GRIP1: variants seen among roughly 807,000 people sequenced by gnomAD.
GRIP1 encodes the protein glutamate receptor interacting protein 1, also known as glutamate receptor-interacting protein 1.
Under a neutral mutation model 129.9 loss-of-function variants are expected in GRIP1, and 45 were observed. The ratio of observed to expected loss-of-function variants is 0.35; its 90% confidence interval spans 0.27 to 0.44. The LOEUF is 0.44. Ranked by LOEUF, GRIP1 falls within the 20% of genes least tolerant of loss-of-function variation. GRIP1 has a pLI of 1.00. For synonymous variants in GRIP1, 530 were observed against 520.8 expected, an observed-to-expected ratio of 1.02 and a Z score of -0.24; for missense variants, 1,196 against 1,396.8, an observed-to-expected ratio of 0.86 and a Z score of 2.29.
At chr12:66,478,751 C>T (rs572274677) in intron 7 of GRIP1, among the ~76,000 whole-genome samples, 4 of 151,928 alleles carry the variant, frequency 2.6e-5, no homozygotes, top group Middle Eastern at 3.2e-3. Context: ...AAGCTGGAAA[C>T]CATCATTCTC....
At chr12:66,431,554 T>C (rs2058148430) in intron 14 of GRIP1, among the ~76,000 whole-genome samples, 1 of 152,212 alleles carries the variant, frequency 6.6e-6, no homozygotes, top group South Asian at 2.1e-4. Flanking sequence ...AATTGAGAAC[T>C]TTTATTTATT....
chr12:66,560,153 T>C (rs1810690658), intron 2 of GRIP1, among the ~76,000 whole-genome samples: 2 of 152,108 alleles, frequency 1.3e-5, no homozygotes, highest in South Asian at 2.1e-4. Context: ...TCTCTTGCCA[T>C]ATACAAAAAT....
chr12:66,431,585 G>A (rs1057177330), intron 14 of GRIP1, among the ~76,000 whole-genome samples: 5 of 152,158 alleles, frequency 3.3e-5, no homozygotes, highest in African/African-American at 1.2e-4. Flanking sequence ...ACCACTGACA[G>A]AAATGCTATC....
chr12:66,692,532 T>C (rs774474213), intron 1 of GRIP1, among the ~76,000 whole-genome samples: 23 of 152,146 alleles, frequency 1.5e-4, no homozygotes, highest in Non-Finnish European at 1.9e-4. Context: ...TCTGTTCATT[T>C]TGGAGGAGAT....
chr12:66,463,821 G>A (rs201405872), intron 8 of GRIP1, among the ~76,000 whole-genome samples: 27 of 152,240 alleles, frequency 1.8e-4, no homozygotes, highest in East Asian at 7.7e-4. Flanking sequence ...TAGCGCAGTC[G>A]TCAGCATCCC....
chr12:66,804,086 C>A, exon 1 of GRIP1: 2 of 455,856 alleles, frequency 4.4e-6, no homozygotes, highest in South Asian at 1.5e-5. Context: ...TAATAGACAT[C>A]CTCATAGCCC....
chr12:66,407,000 G>A (rs2057214942), intron 15 of GRIP1, among the ~76,000 whole-genome samples: 1 of 151,964 alleles, frequency 6.6e-6, no homozygotes, highest in Non-Finnish European at 1.5e-5. Context: ...ACCAGGGTAG[G>A]TCTGTTGAAA....
intron 2 of GRIP1, chr12:66,568,718 G>A (rs1170943865): frequency 4.5e-6 from 1 of 223,970 alleles, no homozygotes; most frequent in Non-Finnish European, 9.1e-6. Context: ...AGAGAATTCT[G>A]GGATTGTATT....
At chr12:66,533,626 C>A (rs183736687) in intron 4 of GRIP1, among the ~76,000 whole-genome samples, 26 of 152,112 alleles carry the variant, frequency 1.7e-4, no homozygotes, top group Non-Finnish European at 3.2e-4. Context: ...GCCTGGGTGA[C>A]AAGAGCGAAA....
intron 16 of GRIP1, among the ~76,000 whole-genome samples, chr12:66,398,662 C>T (rs1345011238): frequency 6.6e-6 from 1 of 151,892 alleles, no homozygotes; most frequent in Non-Finnish European, 1.5e-5. Context: ...TGCTCTCAAA[C>T]AAGGAGAAGA....
At chr12:66,417,509 T>G (rs2057650353) in intron 15 of GRIP1, among the ~76,000 whole-genome samples, 2 of 152,162 alleles carry the variant, frequency 1.3e-5, no homozygotes. Context: ...TTATCCTTGC[T>G]TGCAGAAGAC....
chr12:66,461,275 C>A (rs1441240624), intron 9 of GRIP1, among the ~76,000 whole-genome samples: 4 of 152,192 alleles, frequency 2.6e-5, no homozygotes, highest in Non-Finnish European at 5.9e-5. Flanking sequence ...TTAAAAGGGT[C>A]TGGTATGCAT....
At position 66,678,885 on chromosome 12, in the gene GRIP1, T is replaced by A; in HGVS notation, c.20A>T (p.Lys7Ile). 6.2e-7 allele frequency: 1 copy of A among 1,613,482 alleles called. No homozygotes were observed. Among genetic ancestry groups the A allele is most frequent in the Non-Finnish European group, 8.5e-7 (1 of 1,179,626 alleles). MIAVSF[K>I]CRCQILRRLT... ...TCGCCTCAGAATTTGACAACGGCAT[T>A]TAAAAGAGACAGCTATCATTCTTGC... is the stretch of plus-strand genomic sequence containing the variant. The change falls in exon 1 of 25, where the codon AAA becomes ATA. Residue 7 changes from lysine to isoleucine, a missense_variant. By Grantham distance (102) the Lys-to-Ile change is moderately radical (BLOSUM62 -3). Coordinates refer to ENST00000359742, the MANE Select transcript of GRIP1 (RefSeq NM_001366722.1).
At chr12:67,010,555 A>G (rs1160282115) in intron 1 of GRIP1, among the ~76,000 whole-genome samples, 2 of 152,212 alleles carry the variant, frequency 1.3e-5, no homozygotes, top group African/African-American at 4.8e-5. Context: ...ATGCTAGAAT[A>G]TACTTAGGGA....
At chr12:66,679,589 A>G (rs1463892758), upstream of GRIP1, among the ~76,000 whole-genome samples, 1 of 152,104 alleles carries the variant, frequency 6.6e-6, no homozygotes, top group Non-Finnish European at 1.5e-5. Flanking sequence ...ATGAGAGTTA[A>G]GGCAGTGTCT....
chr12:66,764,861 G>C (rs1462306974), intron 1 of GRIP1, among the ~76,000 whole-genome samples: 2 of 152,142 alleles, frequency 1.3e-5, no homozygotes, highest in African/African-American at 2.4e-5. Context: ...TCTGTAAAAC[G>C]TAACAATAAC....
intron 7 of GRIP1, among the ~76,000 whole-genome samples, chr12:66,468,215 GC>G (rs749143417): frequency 8.9e-4 from 135 of 152,136 alleles, no homozygotes; most frequent in Non-Finnish European, 1.5e-3. Flanking sequence ...GAATGGCTGT[GC>G]CCACCTCTCC....
intron 1 of GRIP1, among the ~76,000 whole-genome samples, chr12:66,981,802 G>A (rs536469511): frequency 2.0e-5 from 3 of 152,308 alleles, no homozygotes; most frequent in Non-Finnish European, 2.9e-5. Context: ...CAGCTTTGCT[G>A]TACATGAGTC....
At chr12:66,941,871 T>C (rs1241751802) in intron 1 of GRIP1, among the ~76,000 whole-genome samples, 3 of 152,228 alleles carry the variant, frequency 2.0e-5, no homozygotes, top group African/African-American at 7.2e-5. Flanking sequence ...TGTAAATTTA[T>C]CAGATCTCTT....
Sources: gnomAD v4.1 joint callset for allele counts (sites outside exome capture counted in the v4.1 genomes callset) on GRCh38, gnomAD v4.1.1 for gene constraint, MANE v1.5 for transcripts, NCBI Gene and HGNC (gene_info 2026-07-23, HGNC 2026-07-21) for gene names.